Variants in MRPL39 observed in about 807,000 individuals in gnomAD.
The protein encoded by MRPL39 is mitochondrial ribosomal protein L39.
MRPL39 carries 35 observed loss-of-function variants against 44.5 expected under a neutral mutation model. That is an observed-to-expected ratio of 0.79 (90% CI 0.60 to 1.04). MRPL39 has a LOEUF of 1.04. MRPL39 is among the 50% of genes least tolerant of loss of function. The pLI, the probability that MRPL39 is intolerant of heterozygous loss-of-function variation, is 0.00. For missense variants in MRPL39, 433 were observed against 413.5 expected, an observed-to-expected ratio of 1.05 and a Z score of -0.41; for synonymous variants, 139 against 136.1, an observed-to-expected ratio of 1.02 and a Z score of -0.15.
intron 9 of MRPL39, among the ~76,000 whole-genome samples, chr21:25,587,200 T>C (rs1386456540): frequency 1.3e-5 from 2 of 152,258 alleles, no homozygotes; most frequent in African/African-American, 4.8e-5. Context: ...GTTCAGTTAC[T>C]ACTGCTTCTT....
intron 5 of MRPL39, 98 bp from the exon 6 acceptor site, chr21:25,597,512 C>A: frequency 1.7e-6 from 1 of 590,420 alleles, no homozygotes. Context: ...ACTGCAAATC[C>A]AACTAAAATA....
chr21:25,594,822 G>A (rs1370142352), intron 6 of MRPL39, among the ~76,000 whole-genome samples: 1 of 152,038 alleles, frequency 6.6e-6, no homozygotes, highest in Non-Finnish European at 1.5e-5. Flanking sequence ...ACCTTACCCT[G>A]AAATTTGCAA....
At chr21:25,597,057 C>T (rs964695896) in intron 6 of MRPL39, among the ~76,000 whole-genome samples, 4 of 152,062 alleles carry the variant, frequency 2.6e-5, no homozygotes, top group Non-Finnish European at 4.4e-5. Flanking sequence ...GGGAAACATG[C>T]CACTATGTTG....
At chr21:25,595,610 T>C (rs1187441813) in intron 6 of MRPL39, among the ~76,000 whole-genome samples, 3 of 152,226 alleles carry the variant, frequency 2.0e-5, no homozygotes, top group Non-Finnish European at 2.9e-5. Context: ...CTAGTTAAAA[T>C]GTGCCTTAAG....
In MRPL39 at chr21:25,596,289, G is replaced by A. The variant is rs560309589; in HGVS notation, c.701+1013C>T. On this transcript the variant is annotated intron_variant, in intron 6 of 9. Coordinates refer to ENST00000352957, the MANE Select transcript of MRPL39 (RefSeq NM_017446.4). Reference sequence around the variant, plus strand: ...AATTTTTTGTATTTTTAAAAGAGACGGGGTTTCACCGTGTTAGCCAAGATG... The same window carrying A: ...AATTTTTTGTATTTTTAAAAGAGACAGGGTTTCACCGTGTTAGCCAAGATG... Among the ~76,000 whole-genome samples the A allele has an allele frequency of 4.6e-5, 7 of 152,238 alleles. No individual in the cohort carries two copies. The East Asian group carries it at 7.7e-4, about 17-fold the overall frequency.
intron 5 of MRPL39, 90 bp downstream of exon 5, chr21:25,599,709 G>A (rs2031466111): frequency 2.0e-6 from 2 of 1,018,746 alleles, no homozygotes; most frequent in East Asian, 4.8e-5. Context: ...TTCTCAACAT[G>A]CAGTACCATT....
At chr21:25,597,137 G>C (rs538294522) in intron 6 of MRPL39, among the ~76,000 whole-genome samples, 165 bp downstream of exon 6, 1 of 152,256 alleles carries the variant, frequency 6.6e-6, no homozygotes, top group South Asian at 2.1e-4. Context: ...AGGGACATGG[G>C]TAACATTTTC....
chr21:25,589,440 TG>T (rs1249353507), intron 8 of MRPL39, among the ~76,000 whole-genome samples: 1 of 133,794 alleles, frequency 7.5e-6, no homozygotes, highest in Non-Finnish European at 1.6e-5. Context: ...TTTTTTGAAA[TG>T]GAGTTTCACT....
intron 3 of MRPL39, among the ~76,000 whole-genome samples, chr21:25,602,505 C>T (rs1199194132): frequency 6.6e-6 from 1 of 152,194 alleles, no homozygotes; most frequent in Non-Finnish European, 1.5e-5. Context: ...ACTGTCATTT[C>T]TATCATTTTC....
At chr21:25,598,123 G>A (rs1303840747) in intron 5 of MRPL39, among the ~76,000 whole-genome samples, 1 of 151,734 alleles carries the variant, frequency 6.6e-6, no homozygotes, top group Non-Finnish European at 1.5e-5. Flanking sequence ...AGACTTTTTT[G>A]CATGAAATGA....
At chr21:25,602,776 T>A (rs978820055) in intron 3 of MRPL39, among the ~76,000 whole-genome samples, 1 of 152,178 alleles carries the variant, frequency 6.6e-6, no homozygotes, top group South Asian at 2.1e-4. Flanking sequence ...AGGATTTTAA[T>A]AGAGAGAAAA....
intron 6 of MRPL39, among the ~76,000 whole-genome samples, chr21:25,596,546 A>AGAAC (rs71183503): frequency 6.6e-6 from 1 of 151,492 alleles, no homozygotes; most frequent in African/African-American, 2.4e-5. Context: ...AAACACACTC[A>AGAAC]TAACCCAATA....
At chr21:25,597,579 T>G (rs2031398891) in intron 5 of MRPL39, among the ~76,000 whole-genome samples, 165 bp from the exon 6 acceptor site, 1 of 152,190 alleles carries the variant, frequency 6.6e-6, no homozygotes, top group Admixed American at 6.5e-5. Context: ...CAACTGAAGT[T>G]TTGGACCATA....
chr21:25,603,719 C>T, intron 3 of MRPL39, 77 bp downstream of exon 3: 1 of 1,407,998 alleles, frequency 7.1e-7, no homozygotes, highest in South Asian at 1.4e-5. Flanking sequence ...TTTTACATTA[C>T]ACCCCATAGA....
intron 7 of MRPL39, among the ~76,000 whole-genome samples, chr21:25,593,319 T>C (rs2829810): frequency 0.076 from 11,622 of 152,184 alleles, 1,094 homozygotes; most frequent in African/African-American, 0.21. Flanking sequence ...GTAGGACAGA[T>C]TGTGTTCAGA....
At chr21:25,604,003 T>A (rs2031595823) in intron 2 of MRPL39, 68 bp from the exon 3 acceptor site, 1 of 1,419,060 alleles carries the variant, frequency 7.0e-7, no homozygotes, top group African/African-American at 1.5e-5. Context: ...TTAAGTGCTA[T>A]ATTTAGAAAT....
chr21:25,600,890 G>A lies in MRPL39; in HGVS notation c.520+478C>T, dbSNP rs193140766. ...TGGGAGGCCGAGGCAGGCAGATCAC[G>A]AGGTCAGGAGATCGAGACCATCCTA... On this transcript the variant is annotated intron_variant, in intron 4 of 9. Coordinates refer to ENST00000352957, the MANE Select transcript of MRPL39 (RefSeq NM_017446.4). Among the ~76,000 whole-genome samples, 455 of 152,260 alleles carry A rather than the reference G, an allele frequency of 3.0e-3. 3 individuals carry two copies. The highest frequency in any genetic ancestry group is 0.01 in the African/African-American group (432 of 41,544).
chr21:25,588,834 C>A lies in MRPL39; in HGVS notation c.969+1G>T, dbSNP rs1372621811. The A allele has an allele frequency of 1.1e-5, 17 of 1,611,730 alleles. No homozygotes were observed. Among genetic ancestry groups the A allele is most frequent in the Non-Finnish European group, 1.4e-5 (17 of 1,178,548 alleles). On this transcript the variant is annotated splice_donor_variant, in intron 9 of 9. Coordinates refer to ENST00000352957, the MANE Select transcript of MRPL39 (RefSeq NM_017446.4). LOFTEE classifies it high-confidence loss of function. Reference sequence around the variant, plus strand: ...ACTCAATAGCTGTCAAAAACACTTACCATTTTCCGAGATCTTTCCAATAGC... The same window carrying A: ...ACTCAATAGCTGTCAAAAACACTTAACATTTTCCGAGATCTTTCCAATAGC...
chr21:25,606,346 C>T lies in MRPL39; in HGVS notation c.280+103G>A, dbSNP rs1601386018. The T allele has an allele frequency of 6.7e-6, 7 of 1,051,636 alleles. No individual in the cohort carries two copies. In the East Asian group the frequency reaches 1.5e-4, roughly 23 times the overall value. 65.1% of individuals were successfully genotyped at this position (1,051,636 alleles called of 1,614,324 possible). A position where few individuals can be genotyped will look rare whatever the true frequency, so the allele number is the denominator to read the frequency against. On this transcript the variant is annotated intron_variant, in intron 2 of 9. Coordinates refer to ENST00000352957, the MANE Select transcript of MRPL39 (RefSeq NM_017446.4). The stretch of plus-strand genomic sequence containing the variant: ...TTTTGGTATAAAGGGATTGCCATGG[C>T]CACAGATGACCAGAAGTAATTACAG...
Sources: allele counts gnomAD v4.1 joint callset (sites outside exome capture counted in the v4.1 genomes callset), GRCh38; gene constraint gnomAD v4.1.1; transcripts MANE v1.5; gene names NCBI Gene and HGNC (gene_info 2026-07-23, HGNC 2026-07-21).